Variants in LARGE1 observed in about 807,000 individuals in gnomAD.
The protein encoded by LARGE1 is LARGE xylosyl- and glucuronyltransferase 1.
Under a neutral mutation model 87.6 loss-of-function variants are expected in LARGE1, and 43 were observed. The observed-to-expected ratio is 0.49, with a 90% CI of 0.38 to 0.63. LARGE1 has a LOEUF of 0.63. Among genes scored for constraint, LARGE1 ranks in the 30% least tolerant of loss-of-function variants. The pLI is 0.00. For missense variants in LARGE1, 802 were observed against 1,000.2 expected, an observed-to-expected ratio of 0.80 and a Z score of 2.67; for synonymous variants, 434 against 394.6, an observed-to-expected ratio of 1.10 and a Z score of -1.18.
intron 11 of LARGE1, among the ~76,000 whole-genome samples, chr22:33,196,244 G>A (rs1924075208): frequency 6.6e-6 from 1 of 151,558 alleles, no homozygotes; most frequent in Non-Finnish European, 1.5e-5. Context: ...CAATGAAATT[G>A]ATAAATTTCT....
chr22:33,072,990 T>G, the LARGE1 span, among the ~76,000 whole-genome samples: 382 of 152,300 alleles, frequency 2.5e-3, 3 homozygotes, highest in African/African-American at 8.9e-3. Flanking sequence ...AACCAGTTTT[T>G]CCTGCGGCCG....
chr22:33,615,495 T>TA (rs5845099), intron 4 of LARGE1, among the ~76,000 whole-genome samples: 105,762 of 151,766 alleles, frequency 0.7, 36,865 homozygotes, highest in Admixed American at 0.77. Context: ...AAATAATTTT[T>TA]AAAAAACCCT....
intron 2 of LARGE1, among the ~76,000 whole-genome samples, chr22:33,744,625 T>C (rs1467706235): frequency 6.6e-6 from 1 of 152,220 alleles, no homozygotes. Context: ...ATGTACTGTG[T>C]TCTCATTGCA....
intron 2 of LARGE1, among the ~76,000 whole-genome samples, chr22:33,655,893 G>T (rs1185213721): frequency 1.3e-5 from 2 of 152,168 alleles, no homozygotes; most frequent in Non-Finnish European, 2.9e-5. Flanking sequence ...ACTGAGAAAA[G>T]CAAACAAATC....
chr22:33,874,787 T>C (rs929501195), intron 1 of LARGE1, among the ~76,000 whole-genome samples: 3 of 152,154 alleles, frequency 2.0e-5, no homozygotes, highest in Admixed American at 6.5e-5. Context: ...GTTCCCACCA[T>C]AGAAAAGTAG....
chr22:33,800,842 T>C (rs1223380614), intron 1 of LARGE1, among the ~76,000 whole-genome samples: 3 of 152,208 alleles, frequency 2.0e-5, no homozygotes, highest in Non-Finnish European at 2.9e-5. Flanking sequence ...CAAATAAAAC[T>C]CTTAAAAAGA....
chr22:33,663,942 T>C (rs1403337513), intron 2 of LARGE1, among the ~76,000 whole-genome samples: 35 of 152,182 alleles, frequency 2.3e-4, no homozygotes, highest in Admixed American at 2.2e-3. Flanking sequence ...TAATTTCTTC[T>C]AGGAACCCTT....
In LARGE1 at chr22:33,316,194, G is replaced by A. The variant is rs1936138379; in HGVS notation, c.1342C>T (p.Arg448Ter). Residue 448 changes from arginine to a stop codon, truncating the protein, a stop_gained, in exon 11 of 15, where the codon CGA becomes TGA. Transcript: ENST00000397394. LOFTEE classifies it high-confidence loss of function. ...GTGCGGTGGACAGTGAAGCGCTCTC[G>A]CCGGAACTCATAGCACAGGTCGTCC... ...DEDDLCYEFR[R>*]ERFTVHRTHL... The A allele has an allele frequency of 3.1e-6, 5 of 1,614,006 alleles. No individual in the cohort carries two copies. The highest frequency in any genetic ancestry group is 4.2e-6 in the Non-Finnish European group (5 of 1,179,964).
chr22:33,119,374 C>A, the LARGE1 span, among the ~76,000 whole-genome samples: 4 of 152,070 alleles, frequency 2.6e-5, no homozygotes, highest in African/African-American at 9.6e-5. Context: ...AAGCTTTTAT[C>A]CACCCAGTGA....
At chr22:33,472,308 A>T (rs2068876308) in intron 6 of LARGE1, among the ~76,000 whole-genome samples, 1 of 152,204 alleles carries the variant, frequency 6.6e-6, no homozygotes, top group African/African-American at 2.4e-5. Context: ...GTTTGTACTG[A>T]TGAAGGAGAC....
chr22:33,583,459 T>C (rs2078579661), intron 5 of LARGE1, among the ~76,000 whole-genome samples: 1 of 152,238 alleles, frequency 6.6e-6, no homozygotes, highest in Non-Finnish European at 1.5e-5. Context: ...ACTAGGTCAC[T>C]GGACTTGAAA....
At chr22:33,431,455 CA>C (rs1156519800) in intron 7 of LARGE1, among the ~76,000 whole-genome samples, 1 of 152,158 alleles carries the variant, frequency 6.6e-6, no homozygotes, top group Non-Finnish European at 1.5e-5. Flanking sequence ...CTGTGGTCCT[CA>C]AAAGTGCTGA....
intron 6 of LARGE1, among the ~76,000 whole-genome samples, chr22:33,518,218 C>T (rs1442299607): frequency 6.6e-6 from 1 of 152,234 alleles, no homozygotes; most frequent in Non-Finnish European, 1.5e-5. Flanking sequence ...TCACACAAAT[C>T]CCAGGAATTA....
Position 33,229,668 on chromosome 22 carries a change from T to C in LARGE1, c.1731-62836A>G, listed in dbSNP as rs372238053. 2.0e-5 allele frequency among the ~76,000 whole-genome samples: 3 copies of C among 152,088 alleles called. No homozygotes were observed. In the East Asian group the frequency reaches 5.8e-4, roughly 29 times the overall value. ...AGGTGCAAGGACATATCTTACAGGA[T>C]GTTCAGAAAAGGAAAATTAGAAGAT... On this transcript the variant is annotated intron_variant, in intron 11 of 11. Transcript: ENST00000608642.
chr22:33,567,784 C>A (rs750332787), intron 5 of LARGE1, among the ~76,000 whole-genome samples: 7 of 152,172 alleles, frequency 4.6e-5, no homozygotes, highest in Middle Eastern at 3.4e-3. Context: ...TTTTGGAGAC[C>A]CCAGTGTCTA....
chr22:33,349,012 T>C (rs2146725796), intron 9 of LARGE1, among the ~76,000 whole-genome samples: 1 of 152,314 alleles, frequency 6.6e-6, no homozygotes, highest in Non-Finnish European at 1.5e-5. Context: ...CTTTTGCTCC[T>C]CCTTCGTCTT....
In LARGE1 at chr22:33,816,685, TAGATAGACAGACAGAC is replaced by T. The variant is rs1165780876; in HGVS notation, c.-82-55143_-82-55128del. 2.3e-3 allele frequency among the ~76,000 whole-genome samples: 306 copies of T among 133,374 alleles called. 1 individual carries two copies. Among genetic ancestry groups the T allele is most frequent in the Admixed American group, 2.9e-3 (40 of 14,034 alleles). 87.5% of individuals were successfully genotyped at this position (133,374 alleles called of 152,430 possible). ...ATGCACGGATGGATGGATAGATAGA[TAGATAGACAGACAGAC>T]AGACAGACAGACAGACAGACAGACA... On this transcript the variant is annotated intron_variant, in intron 1 of 14. Transcript: ENST00000397394.
At chr22:33,160,459 C>T (rs1057395815), downstream of LARGE1, among the ~76,000 whole-genome samples, 2 of 152,176 alleles carry the variant, frequency 1.3e-5, no homozygotes, top group African/African-American at 4.8e-5. Context: ...TTCTATTTCC[C>T]GTTCTCTACA....
the LARGE1 span, among the ~76,000 whole-genome samples, chr22:33,144,350 A>G: frequency 2.0e-5 from 3 of 152,166 alleles, no homozygotes; most frequent in African/African-American, 7.2e-5. Flanking sequence ...TTTTAATCAT[A>G]AGATTAATAA....
Sources: allele counts gnomAD v4.1 joint callset (sites outside exome capture counted in the v4.1 genomes callset), GRCh38; gene constraint gnomAD v4.1.1; transcripts MANE v1.5; gene names NCBI Gene and HGNC (gene_info 2026-07-23, HGNC 2026-07-21).